KIAA1671: variants seen among roughly 807,000 people sequenced by gnomAD.
KIAA1671 encodes uncharacterized protein KIAA1671.
Under a neutral mutation model 131.2 loss-of-function variants are expected in KIAA1671, and 52 were observed. The observed-to-expected ratio is 0.40, with a 90% CI of 0.32 to 0.50. The LOEUF (loss-of-function observed/expected upper bound fraction) is 0.50. Ranked by LOEUF, KIAA1671 falls within the 20% of genes least tolerant of loss-of-function variation. The pLI, the probability that KIAA1671 is intolerant of heterozygous loss-of-function variation, is 0.73. For synonymous variants in KIAA1671, 1,003 were observed against 961.6 expected (o/e 1.04, Z -0.80); for missense variants, 2,360 against 2,364.2 (o/e 1.00, Z 0.04).
At chr22:25,047,151 CTTTTT>C (rs140590311) in intron 5 of KIAA1671, among the ~76,000 whole-genome samples, 3 of 121,706 alleles carry the variant, frequency 2.5e-5, no homozygotes, top group African/African-American at 3.2e-5. Flanking sequence ...TTTTTCTTTT[CTTTTT>C]TTTTTTTTTT....
rs949671791 is a variant in KIAA1671 at position 24,952,941 on chromosome 22, G to A, written c.-208+169G>A. 1.3e-5 allele frequency among the ~76,000 whole-genome samples: 2 copies of A among 152,218 alleles called. No homozygotes were observed. The highest frequency in any genetic ancestry group is 6.5e-5 in the Admixed American group (1 of 15,292). On this transcript the variant is annotated intron_variant, in intron 1 of 12. Coordinates refer to ENST00000358431, the MANE Select transcript of KIAA1671 (RefSeq NM_001145206.2). The surrounding 1 kb of genome is among the most constrained non-coding windows in gnomAD (Gnocchi z 4.5). ...TTGGCCGGGGAAGAGGCGGGGAGCC[G>A]GAGGATTTCCCCAGACTCCGGGTCT... is the stretch of plus-strand genomic sequence containing the variant.
intron 6 of KIAA1671, among the ~76,000 whole-genome samples, chr22:25,141,332 A>G (rs1473016096): frequency 2.0e-5 from 3 of 152,024 alleles, no homozygotes; most frequent in African/African-American, 7.2e-5. Context: ...TCCTGGGTTC[A>G]CGCCATTCTC....
intron 6 of KIAA1671, among the ~76,000 whole-genome samples, chr22:25,133,797 C>A (rs1297839944): frequency 4.6e-5 from 7 of 152,194 alleles, no homozygotes; most frequent in Non-Finnish European, 8.8e-5. Context: ...ATCCTCCCAC[C>A]ATGGCCTCCC....
chr22:24,987,372 C>T (rs1182161750), intron 1 of KIAA1671, among the ~76,000 whole-genome samples: 4 of 151,868 alleles, frequency 2.6e-5, no homozygotes, highest in African/African-American at 7.3e-5. Flanking sequence ...GGGGTTTCAC[C>T]GTGTTAGCCA....
intron 1 of KIAA1671, among the ~76,000 whole-genome samples, chr22:25,001,376 A>G (rs1344283716): frequency 3.9e-5 from 6 of 152,176 alleles, no homozygotes; most frequent in Admixed American, 2.6e-4. Context: ...ATTTTCTTTA[A>G]GATCAATCTA....
At chr22:24,998,375 T>G (rs561318753) in intron 1 of KIAA1671, among the ~76,000 whole-genome samples, 2 of 151,994 alleles carry the variant, frequency 1.3e-5, no homozygotes, top group South Asian at 4.2e-4. Flanking sequence ...ACAGCACCAC[T>G]GCACTCCAGC....
In KIAA1671 at chr22:25,028,349, A is replaced by AG. The variant is rs1926071776; in HGVS notation, c.352dup (p.Val118GlyfsTer44). The stretch of plus-strand genomic sequence containing the variant: ...AGGATGCCCGGCTTGGTGGGGCAGG[A>AG]GGTGGGCAGTGGGGAGGGCCCGAGG... On this transcript the variant is annotated frameshift_variant, in exon 3 of 13. Transcript: ENST00000358431. LOFTEE classifies it high-confidence loss of function. 1 of 1,550,704 alleles carries AG rather than the reference A, an allele frequency of 6.4e-7. No homozygotes were observed. Among genetic ancestry groups the AG allele is most frequent in the Admixed American group, 2.0e-5 (1 of 50,980 alleles).
intron 1 of KIAA1671, among the ~76,000 whole-genome samples, chr22:25,006,848 T>TG (rs1924775660): frequency 6.6e-6 from 1 of 152,192 alleles, no homozygotes; most frequent in Admixed American, 6.5e-5. Flanking sequence ...TAAGGACCCT[T>TG]GTGATGACAT....
intron 6 of KIAA1671, among the ~76,000 whole-genome samples, chr22:25,118,686 C>G (rs1382052395): frequency 1.3e-5 from 2 of 152,090 alleles, no homozygotes; most frequent in African/African-American, 4.8e-5. Flanking sequence ...TCCCAACAAC[C>G]CAAGAGATCA....
intron 1 of KIAA1671, chr22:25,012,690 A>G (rs572458911): frequency 6.6e-6 from 1 of 152,326 alleles, no homozygotes; most frequent in South Asian, 2.1e-4. Flanking sequence ...TAAAAATTAA[A>G]TACAATAAAA....
chr22:24,980,041 TG>T (rs1272566899), intron 1 of KIAA1671, among the ~76,000 whole-genome samples: 2 of 151,752 alleles, frequency 1.3e-5, no homozygotes, highest in Non-Finnish European at 2.9e-5. Context: ...CTTAGCTCAC[TG>T]CAACCTCCAC....
intron 6 of KIAA1671, among the ~76,000 whole-genome samples, chr22:25,078,642 A>G (rs1029139961): frequency 4.6e-5 from 7 of 152,240 alleles, no homozygotes; most frequent in African/African-American, 1.7e-4. Flanking sequence ...GGCACTCCAT[A>G]CGCACACCGT....
chr22:25,024,989 C>T (rs2123896312), intron 1 of KIAA1671, among the ~76,000 whole-genome samples: 1 of 148,602 alleles, frequency 6.7e-6, no homozygotes, highest in African/African-American at 2.5e-5. Flanking sequence ...TGTGTGTGAG[C>T]AAGATGGTTG....
chr22:25,081,575 A>G (rs1287230855), intron 6 of KIAA1671, among the ~76,000 whole-genome samples: 1 of 151,470 alleles, frequency 6.6e-6, no homozygotes, highest in Admixed American at 6.6e-5. Context: ...TTGAGGCACT[A>G]GAGGGCACCC....
At chr22:24,973,335 C>T (rs1015733657) in intron 1 of KIAA1671, among the ~76,000 whole-genome samples, 8 of 151,112 alleles carry the variant, frequency 5.3e-5, no homozygotes, top group African/African-American at 1.5e-4. Context: ...CCCCATGACC[C>T]GCCCATTCCC....
In KIAA1671 at chr22:25,136,908, C is replaced by T. The variant is rs1429199700; in HGVS notation, c.4531-33912C>T. Among the ~76,000 whole-genome samples, 3 of 152,096 alleles carry T rather than the reference C, an allele frequency of 2.0e-5. No homozygotes were observed. In the East Asian group the frequency reaches 5.8e-4, roughly 29 times the overall value. On this transcript the variant is annotated intron_variant, in intron 6 of 12. Transcript: ENST00000358431. ...CCATTAAAAGGGTACATTTTTGAGG[C>T]ATTCAGAATGATACGGATACTTCAG...
intron 1 of KIAA1671, among the ~76,000 whole-genome samples, chr22:25,016,241 G>A (rs1180503206): frequency 1.3e-5 from 2 of 152,062 alleles, no homozygotes; most frequent in East Asian, 1.9e-4. Context: ...GGATGGTCTC[G>A]ATCTCCTGAC....
chr22:25,082,178 C>T (rs1465169327), intron 6 of KIAA1671, among the ~76,000 whole-genome samples: 1 of 152,148 alleles, frequency 6.6e-6, no homozygotes, highest in African/African-American at 2.4e-5. Flanking sequence ...GAGTGTGGAG[C>T]CAGGATACTG....
At chr22:25,190,595 C>T in intron 11 of KIAA1671, 107 bp from the exon 12 acceptor site, 1 of 897,368 alleles carries the variant, frequency 1.1e-6, no homozygotes, top group South Asian at 1.5e-5. Flanking sequence ...GTGCTTGCCC[C>T]AACCCCGCCT....
Sources: gnomAD v4.1 joint callset for allele counts (sites outside exome capture counted in the v4.1 genomes callset) on GRCh38, gnomAD v4.1.1 for gene constraint, Gnocchi (gnomAD v3.1) non-coding constraint, MANE v1.5 for transcripts, NCBI Gene and HGNC (gene_info 2026-07-23, HGNC 2026-07-21) for gene names.